The following MYO16 variants were observed in gnomAD, a reference collection of about 807,000 sequenced individuals.
MYO16 encodes the protein unconventional myosin-XVI.
A neutral mutation model predicts 205.3 loss-of-function variants in MYO16; 94 were observed. That is an observed-to-expected ratio of 0.46 (90% confidence interval 0.39 to 0.54). The LOEUF (loss-of-function observed/expected upper bound fraction) is 0.54, where lower values mean the gene tolerates loss of function less well. Among genes scored for constraint, MYO16 ranks in the 20% least tolerant of loss-of-function variants. The pLI is 0.00. For missense variants in MYO16, 2,315 were observed against 2,387.5 expected, an observed-to-expected ratio of 0.97 and a Z score of 0.63; for synonymous variants, 988 against 954.0, an observed-to-expected ratio of 1.04 and a Z score of -0.66.
At chr13:108,762,559 G>A (rs1885644962) in intron 4 of MYO16, among the ~76,000 whole-genome samples, 1 of 151,986 alleles carries the variant, frequency 6.6e-6, no homozygotes, top group African/African-American at 2.4e-5. Context: ...TTGTGGTTTT[G>A]ACTTGCATTT....
Position 108,883,134 on chromosome 13 carries a change from A to G in MYO16, c.1501A>G (p.Arg501Gly). 6 of 1,613,880 alleles carry G rather than the reference A, an allele frequency of 3.7e-6. No homozygotes were observed. Among genetic ancestry groups the G allele is most frequent in the South Asian group, 3.3e-5 (3 of 91,044 alleles). ...TCCTCACCTCTTCTCCTGTGTGGAG[A>G]GAGCCTTTCACCAGCTCTTCCGGGA... ...LPPHLFSCVE[R>G]AFHQLFREQR... Residue 501 changes from arginine (R) to glycine (G), a missense_variant, in exon 13 of 35, where the codon AGA (arginine) becomes GGA (glycine). Coordinates refer to ENST00000457511, the MANE Select transcript of MYO16 (RefSeq NM_001198950.3).
intron 1 of MYO16, among the ~76,000 whole-genome samples, chr13:108,634,941 C>A (rs1044805417): frequency 6.6e-6 from 1 of 151,656 alleles, no homozygotes; most frequent in Non-Finnish European, 1.5e-5. Flanking sequence ...TGTCTCTTAA[C>A]AACATGGACA....
At chr13:108,692,512 T>A (rs2139497963) in intron 2 of MYO16, among the ~76,000 whole-genome samples, 1 of 152,322 alleles carries the variant, frequency 6.6e-6, no homozygotes, top group East Asian at 1.9e-4. Context: ...GCAGCTTCCG[T>A]GGTCTTGAGC....
In MYO16 at chr13:109,029,895, A is replaced by G. The variant is rs145493483; in HGVS notation, c.2796+9984A>G. ...TTTAGAGAATCTTCTGCTTCTTCAC[A>G]TATTTAATATATTCTTTTATTTCAT... On this transcript the variant is annotated intron_variant, in intron 23 of 34. Transcript: ENST00000457511. Among the ~76,000 whole-genome samples, 186 of 152,294 alleles carry G rather than the reference A, an allele frequency of 1.2e-3. 1 individual carries two copies. The highest frequency in any genetic ancestry group is 4.2e-3 in the African/African-American group (174 of 41,574).
chr13:108,960,720 A>G (rs1216519740), intron 17 of MYO16, among the ~76,000 whole-genome samples: 1 of 152,350 alleles, frequency 6.6e-6, no homozygotes, highest in Middle Eastern at 3.4e-3. Flanking sequence ...AACCTGTTTT[A>G]CTGTTGATAT....
At chr13:109,037,215 C>G (rs1261128057) in intron 23 of MYO16, among the ~76,000 whole-genome samples, 2 of 152,216 alleles carry the variant, frequency 1.3e-5, no homozygotes, top group African/African-American at 2.4e-5. Context: ...CTTGTCTGCA[C>G]TGTTGTGCAG....
chr13:109,059,349 G>A (rs1368058490), intron 27 of MYO16, among the ~76,000 whole-genome samples: 1 of 152,194 alleles, frequency 6.6e-6, no homozygotes, highest in Admixed American at 6.5e-5. Context: ...TCCATGGGCT[G>A]CTGAATGGAT....
intron 12 of MYO16, among the ~76,000 whole-genome samples, chr13:108,874,039 C>T (rs1879205397): frequency 1.3e-5 from 2 of 152,176 alleles, no homozygotes; most frequent in Admixed American, 6.5e-5. Flanking sequence ...TTACAGTGTC[C>T]TCATCCTTGA....
At chr13:108,687,313 T>G (rs1420218345) in intron 2 of MYO16, among the ~76,000 whole-genome samples, 1 of 152,200 alleles carries the variant, frequency 6.6e-6, no homozygotes, top group East Asian at 1.9e-4. Context: ...GATAAGCCCC[T>G]GGTTCTGGCC....
chr13:108,650,291 G>A (rs1487891331), intron 1 of MYO16, among the ~76,000 whole-genome samples: 5 of 151,936 alleles, frequency 3.3e-5, no homozygotes, highest in Non-Finnish European at 5.9e-5. Context: ...GTATATGCTC[G>A]TTAGTCTTGT....
At chr13:109,142,037 T>C (rs1287072184) in intron 32 of MYO16, among the ~76,000 whole-genome samples, 2 of 152,246 alleles carry the variant, frequency 1.3e-5, no homozygotes, top group Non-Finnish European at 2.9e-5. Flanking sequence ...GTGAGCTCCA[T>C]GACAGGCTGT....
chr13:108,786,800 A>G (rs1245222997), intron 5 of MYO16, among the ~76,000 whole-genome samples: 1 of 152,206 alleles, frequency 6.6e-6, no homozygotes, highest in Non-Finnish European at 1.5e-5. Flanking sequence ...GGTCTCAGGC[A>G]GAAGCAAGCT....
intron 20 of MYO16, among the ~76,000 whole-genome samples, chr13:108,970,413 C>A (rs1222262163): frequency 6.6e-6 from 1 of 152,144 alleles, no homozygotes; most frequent in Non-Finnish European, 1.5e-5. Flanking sequence ...CTTTTCTGGT[C>A]ACTTTTAAAT....
rs79933653 is a variant in MYO16, at chr13:109,127,070, G to A, written c.3783-212G>A. On this transcript the variant is annotated intron_variant, in intron 30 of 34. Coordinates refer to ENST00000457511, the MANE Select transcript of MYO16 (RefSeq NM_001198950.3). The surrounding 1 kb of genome is among the most constrained non-coding windows in gnomAD (Gnocchi z 4.2). ...CATGATGGATATCCCGCGGGCTCAT[G>A]TGCTTTTCATCACAAAGCCGGAGCC... Among the ~76,000 whole-genome samples, 5,679 of 152,290 alleles carry A rather than the reference G, an allele frequency of 0.037. 152 individuals carry two copies. The highest frequency in any genetic ancestry group is 0.056 in the Non-Finnish European group (3,831 of 68,020).
chr13:109,082,771 GT>G (rs1364015075), intron 27 of MYO16, among the ~76,000 whole-genome samples: 1 of 151,446 alleles, frequency 6.6e-6, no homozygotes, highest in African/African-American at 2.4e-5. Context: ...GGAGGCGGAG[GT>G]TGCAGTAACT....
chr13:109,009,681 T>G (rs1303997358), intron 22 of MYO16, among the ~76,000 whole-genome samples: 1 of 152,238 alleles, frequency 6.6e-6, no homozygotes, highest in Non-Finnish European at 1.5e-5. Context: ...CCAAGATACA[T>G]GGACATTGTT....
At chr13:108,940,842 G>C (rs1594412403) in intron 16 of MYO16, among the ~76,000 whole-genome samples, 1 of 152,120 alleles carries the variant, frequency 6.6e-6, no homozygotes, top group African/African-American at 2.4e-5. Context: ...AATTATATTT[G>C]TGCCAGTTAA....
Position 109,141,412 on chromosome 13 carries a change from T to A in MYO16, c.5164+36T>A, listed in dbSNP as rs759097901. The A allele has an allele frequency of 1.3e-5, 17 of 1,327,038 alleles. No individual in the cohort carries two copies. The highest frequency in any genetic ancestry group is 3.1e-5 in the Admixed American group (1 of 32,068). 82.2% of individuals were successfully genotyped at this position (1,327,038 alleles called of 1,614,324 possible). On this transcript the variant is annotated intron_variant, in intron 32 of 34. Transcript: ENST00000457511. The surrounding 1 kb of genome is among the most constrained non-coding windows in gnomAD (Gnocchi z 4.1). ...CAGACATCCCCCCACTCCTTTTGCA[T>A]GGACGCTGTGCTTGCGTGCACCTGT...
At chr13:108,821,264 A>G (rs74119775) in intron 8 of MYO16, among the ~76,000 whole-genome samples, 2,341 of 152,236 alleles carry the variant, frequency 0.015, 54 homozygotes, top group African/African-American at 0.053. Context: ...ATCTCCAGTT[A>G]AAGCCAGAAG....
Sources: gnomAD v4.1 joint callset for allele counts (sites outside exome capture counted in the v4.1 genomes callset) on GRCh38, gnomAD v4.1.1 for gene constraint, Gnocchi (gnomAD v3.1) non-coding constraint, MANE v1.5 for transcripts, NCBI Gene and HGNC (gene_info 2026-07-23, HGNC 2026-07-21) for gene names.